The following FOXS1 variants were observed in gnomAD, a reference collection of about 807,000 sequenced individuals.
FOXS1 encodes the protein forkhead box protein S1.
Under a neutral mutation model 13.0 loss-of-function variants are expected in FOXS1, and 7 were observed. The observed-to-expected ratio is 0.54, with a 90% CI of 0.31 to 1.01. The LOEUF (loss-of-function observed/expected upper bound fraction) is 1.01. Among genes scored for constraint, FOXS1 ranks in the 50% least tolerant of loss-of-function variants. The pLI is 0.06. For synonymous variants in FOXS1, 161 were observed against 189.3 expected (o/e 0.85, Z 1.23); for missense variants, 414 against 464.1 (o/e 0.89, Z 0.99).
In FOXS1 at chr20:31,845,065, C is replaced by T; in HGVS notation, c.478G>A (p.Asp160Asn). 3 of 1,611,306 alleles carry T rather than the reference C, an allele frequency of 1.9e-6. No individual in the cohort carries two copies. Among genetic ancestry groups the T allele is most frequent in the Non-Finnish European group, 2.5e-6 (3 of 1,179,738 alleles). The part of the protein sequence containing the change: ...RQCSFPPELP[D>N]PKGLSFGGLV... ...CCCCCAAAGCTTAGGCCCTTGGGAT[C>T]TGGCAGCTCTGGTGGGAATGAGCAC... Residue 160 changes from aspartate (D) to asparagine (N), a missense_variant, in exon 1 of 1, where the codon GAT becomes AAT. Coordinates refer to ENST00000375978, the MANE Select transcript of FOXS1 (RefSeq NM_004118.4).
Position 31,844,910 on chromosome 20 carries a change from T to C in FOXS1, c.633A>G (p.Ser211=). The part of the protein sequence containing the change: ...ACPGELPVAT[S]SSSCPAFGFP... Reference sequence around the variant, plus strand: ...AGCCAAACGCTGGGCATGAGGAAGATGAGGTGGCCACGGGGAGCTCCCCTG... The same window carrying C: ...AGCCAAACGCTGGGCATGAGGAAGACGAGGTGGCCACGGGGAGCTCCCCTG... Residue 211 remains serine (S), a synonymous_variant, in exon 1 of 1, where the codon TCA becomes TCG. Transcript: ENST00000375978. 1.2e-6 allele frequency: 2 copies of C among 1,614,182 alleles called. No individual in the cohort carries two copies. The highest frequency in any genetic ancestry group is 1.7e-6 in the Non-Finnish European group (2 of 1,180,014).
chr20:31,845,204 G>A lies in FOXS1; in HGVS notation c.339C>T (p.Arg113=). 1 of 1,608,724 alleles carries A rather than the reference G, an allele frequency of 6.2e-7. No individual in the cohort carries two copies. Among genetic ancestry groups the A allele is most frequent in the Non-Finnish European group, 8.5e-7 (1 of 1,177,164 alleles). The change falls in exon 1 of 1, where the codon CGC becomes CGT. Residue 113 remains arginine, a synonymous_variant. Transcript: ENST00000375978. ...EHGSFLRRRR[R]FTRQTGAEGT... Reference sequence around the variant, plus strand: ...CCTCAGCACCTGTCTGCCGGGTGAAGCGGCGGCGGCGGCGTAGGAAGCTGC... The same window carrying A: ...CCTCAGCACCTGTCTGCCGGGTGAAACGGCGGCGGCGGCGTAGGAAGCTGC...
rs1317075548 is a variant in FOXS1 at position 31,845,114 on chromosome 20, G to A, written c.429C>T (p.Val143=). 1 of 1,608,366 alleles carries A rather than the reference G, an allele frequency of 6.2e-7. No homozygotes were observed. Among genetic ancestry groups the A allele is most frequent in the Non-Finnish European group, 8.5e-7 (1 of 1,178,126 alleles). The change falls in exon 1 of 1, where the codon GTC becomes GTT. Residue 143 remains valine (V), a synonymous_variant. Coordinates refer to ENST00000375978, the MANE Select transcript of FOXS1 (RefSeq NM_004118.4). ...PLRATSQDPG[V]PNATTGRQCS... ...ACTGCCTGCCGGTCGTGGCGTTGGG[G>A]ACTCCTGGGTCCTGGCTGGTCGCCC...
chr20:31,845,102 C>T lies in FOXS1; in HGVS notation c.441G>A (p.Thr147=), dbSNP rs776495704. The change falls in exon 1 of 1, where the codon ACG becomes ACA. Residue 147 remains threonine, a synonymous_variant. Coordinates refer to ENST00000375978, the MANE Select transcript of FOXS1 (RefSeq NM_004118.4). ...GTGGGAATGAGCACTGCCTGCCGGT[C>T]GTGGCGTTGGGGACTCCTGGGTCCT... is the stretch of plus-strand genomic sequence containing the variant. ...TSQDPGVPNA[T]TGRQCSFPPE... is the part of the protein sequence containing the mutation. 6.2e-6 allele frequency: 10 copies of T among 1,608,242 alleles called. No individual in the cohort carries two copies. The highest frequency in any genetic ancestry group is 3.3e-5 in the Admixed American group (2 of 59,796).
Position 31,845,444 on chromosome 20 carries a change from G to C in FOXS1, c.99C>G (p.Ser33Arg), listed in dbSNP as rs755181622. The C allele has an allele frequency of 1.2e-6, 2 of 1,614,110 alleles. No homozygotes were observed. The highest frequency in any genetic ancestry group is 1.1e-5 in the South Asian group (1 of 91,094). ...TGAGGGTGGCCCGCTGCCCCGGTGA[G>C]CTCTGGATGGCCATAGCAATAAGGG... Reference protein sequence around the residue: ...YIALIAMAIQSSPGQRATLSG... With the variant: ...YIALIAMAIQRSPGQRATLSG... The change falls in exon 1 of 1, where the codon AGC becomes AGG. Residue 33 changes from serine (S) to arginine (R), a missense_variant. Ser to Arg is a moderately radical substitution (Grantham distance 110). Transcript: ENST00000375978.
chr20:31,844,654 C>A lies in FOXS1; in HGVS notation c.889G>T (p.Glu297Ter). ...APLPLPTDHK[E>*]PWVAGGFPVQ... The stretch of plus-strand genomic sequence containing the variant: ...GGGAAGCCACCTGCAACCCAGGGTT[C>A]CTTGTGGTCAGTTGGCAGGGGCAGT... The change falls in exon 1 of 1, where the codon GAA (glutamate) becomes TAA (stop). Residue 297 changes from glutamate to a stop codon, truncating the protein, a stop_gained. Coordinates refer to ENST00000375978, the MANE Select transcript of FOXS1 (RefSeq NM_004118.4). LOFTEE classifies it high-confidence loss of function. 1 of 1,613,692 alleles carries A rather than the reference C, an allele frequency of 6.2e-7. No homozygotes were observed. Among genetic ancestry groups the A allele is most frequent in the African/African-American group, 1.3e-5 (1 of 75,052 alleles).
At position 31,844,862 on chromosome 20, in the gene FOXS1, A is replaced by G; in HGVS notation, c.681T>C (p.Ala227=). 3 of 1,614,228 alleles carry G rather than the reference A, an allele frequency of 1.9e-6. No individual in the cohort carries two copies. Among genetic ancestry groups the G allele is most frequent in the Middle Eastern group, 1.6e-4 (1 of 6,062 alleles). ...GCGTAGGGGCCTTATTAAAACTCTC[A>G]GCCTCTGAGAAGCCGGCAGGAAAGC... The part of the protein sequence containing the change: ...AFGFPAGFSE[A]ESFNKAPTPV... Residue 227 remains alanine, a synonymous_variant, in exon 1 of 1, where the codon GCT becomes GCC. Coordinates refer to ENST00000375978, the MANE Select transcript of FOXS1 (RefSeq NM_004118.4).
chr20:31,845,372 G>A lies in FOXS1; in HGVS notation c.171C>T (p.His57=). The A allele has an allele frequency of 6.2e-7, 1 of 1,614,242 alleles. No individual in the cohort carries two copies. Among genetic ancestry groups the A allele is most frequent in the Non-Finnish European group, 8.5e-7 (1 of 1,180,038 alleles). The change falls in exon 1 of 1, where the codon CAC becomes CAT. Residue 57 remains histidine (H), a synonymous_variant. Transcript: ENST00000375978. ...YIMGRFAFYR[H]NRPGWQNSIR... ...TGCTGTTCTGCCAGCCGGGCCGGTT[G>A]TGGCGGTAGAAGGCGAATCGGCCCA...
At position 31,844,831 on chromosome 20, in the gene FOXS1, A is replaced by T. The variant is rs756030354; in HGVS notation, c.712T>A (p.Leu238Met). The change falls in exon 1 of 1, where the codon TTG becomes ATG. Residue 238 changes from leucine (L) to methionine (M), a missense_variant. Physicochemically the swap from Leu to Met is conservative, Grantham distance 15. Transcript: ENST00000375978. ...CTCCCGATGCCTGATTCCGGGGACA[A>T]GACGGGCGTAGGGGCCTTATTAAAA... ...ESFNKAPTPV[L>M]SPESGIGSSY... 32 of 1,614,104 alleles carry T rather than the reference A, an allele frequency of 2.0e-5. No individual in the cohort carries two copies. The Middle Eastern group carries it at 6.6e-4, about 33-fold the overall frequency.
In FOXS1 at chr20:31,844,692, G is replaced by A. The variant is rs768317733; in HGVS notation, c.851C>T (p.Ser284Leu). ...PSPAPPTPPG[S>L]LRAPLPLPTD... ...TGGCAGGGGCAGTGGGGCCCGGAGT[G>A]AGCCTGGAGGGGTGGGTGGTGCAGG... The change falls in exon 1 of 1, where the codon TCA becomes TTA. Residue 284 changes from serine (S) to leucine (L), a missense_variant. Physicochemically the swap from Ser to Leu is moderately radical, Grantham distance 145. Transcript: ENST00000375978. The A allele has an allele frequency of 3.7e-6, 6 of 1,612,888 alleles. No homozygotes were observed. In the African/African-American group the frequency reaches 5.3e-5, roughly 14 times the overall value.
rs1285475689 is a variant in FOXS1, at chr20:31,845,213, G to A, written c.330C>T (p.Arg110=). ...DMFEHGSFLR[R]RRRFTRQTGA... is the part of the protein sequence containing the mutation. ...CTGTCTGCCGGGTGAAGCGGCGGCG[G>A]CGGCGTAGGAAGCTGCCGTGCTCAA... Residue 110 remains arginine, a synonymous_variant, in exon 1 of 1, where the codon CGC becomes CGT. Coordinates refer to ENST00000375978, the MANE Select transcript of FOXS1 (RefSeq NM_004118.4). 7 of 1,612,628 alleles carry A rather than the reference G, an allele frequency of 4.3e-6. No homozygotes were observed. Among genetic ancestry groups the A allele is most frequent in the Non-Finnish European group, 5.1e-6 (6 of 1,179,106 alleles).
chr20:31,844,500 C>T lies in FOXS1; in HGVS notation c.*50G>A. On this transcript the variant is annotated 3_prime_UTR_variant, in exon 1 of 1. Transcript: ENST00000375978. ...GTTCTTCAGGTCCTAGAGCCAGGCT[C>T]AGCCCGGAGGGTGAGGGACCTGCAG... The T allele has an allele frequency of 2.5e-6, 4 of 1,593,458 alleles. No homozygotes were observed. The highest frequency in any genetic ancestry group is 3.4e-6 in the Non-Finnish European group (4 of 1,168,612).
In FOXS1 at chr20:31,845,071, G is replaced by A. The variant is rs2062365421; in HGVS notation, c.472C>T (p.Leu158=). 1 of 1,610,906 alleles carries A rather than the reference G, an allele frequency of 6.2e-7. No individual in the cohort carries two copies. The highest frequency in any genetic ancestry group is 8.5e-7 in the Non-Finnish European group (1 of 1,179,646). Reference sequence around the variant, plus strand: ...AAGCTTAGGCCCTTGGGATCTGGCAGCTCTGGTGGGAATGAGCACTGCCTG... The same window carrying A: ...AAGCTTAGGCCCTTGGGATCTGGCAACTCTGGTGGGAATGAGCACTGCCTG... The part of the protein sequence containing the change: ...TGRQCSFPPE[L]PDPKGLSFGG... Residue 158 remains leucine, a synonymous_variant, in exon 1 of 1, where the codon CTG becomes TTG. Transcript: ENST00000375978.
Position 31,844,926 on chromosome 20 carries a change from A to G in FOXS1, c.617T>C (p.Leu206Pro). 6.2e-7 allele frequency: 1 copy of G among 1,614,158 alleles called. No individual in the cohort carries two copies. ...STPKPACPGE[L>P]PVATSSSSCP... Reference sequence around the variant, plus strand: ...TGAGGAAGATGAGGTGGCCACGGGGAGCTCCCCTGGGCATGCAGGCTTGGG... The same window carrying G: ...TGAGGAAGATGAGGTGGCCACGGGGGGCTCCCCTGGGCATGCAGGCTTGGG... Residue 206 changes from leucine to proline, a missense_variant, in exon 1 of 1, where the codon CTC (leucine) becomes CCC (proline). By Grantham distance (98) the Leu-to-Pro change is moderately conservative. Transcript: ENST00000375978.
rs1370096241 is a variant in FOXS1, at chr20:31,844,799, G to A, written c.744C>T (p.Tyr248=). 5 of 1,614,114 alleles carry A rather than the reference G, an allele frequency of 3.1e-6. No homozygotes were observed. Among genetic ancestry groups the A allele is most frequent in the Non-Finnish European group, 4.2e-6 (5 of 1,180,044 alleles). Residue 248 remains tyrosine, a synonymous_variant, in exon 1 of 1, where the codon TAC becomes TAT. Coordinates refer to ENST00000375978, the MANE Select transcript of FOXS1 (RefSeq NM_004118.4). ...LSPESGIGSS[Y]QCRLQALNFC... ...AATTCAGTGCCTGCAGCCGACACTG[G>A]TAGCTGCTCCCGATGCCTGATTCCG...
rs764717699 is a variant in FOXS1 at position 31,845,236 on chromosome 20, C to T, written c.307G>A (p.Glu103Lys). The T allele has an allele frequency of 3.7e-6, 6 of 1,613,848 alleles. No individual in the cohort carries two copies. The highest frequency in any genetic ancestry group is 2.5e-6 in the Non-Finnish European group (3 of 1,179,882). Reference protein sequence around the residue: ...TLDPDCHDMFEHGSFLRRRRR... With the variant: ...TLDPDCHDMFKHGSFLRRRRR... ...CGGCGGCGTAGGAAGCTGCCGTGCTCAAACATGTCGTGGCAGTCAGGGTCC... is the reference window on the plus strand; with the variant it reads ...CGGCGGCGTAGGAAGCTGCCGTGCTTAAACATGTCGTGGCAGTCAGGGTCC... The change falls in exon 1 of 1, where the codon GAG becomes AAG. Residue 103 changes from glutamate to lysine, a missense_variant. Coordinates refer to ENST00000375978, the MANE Select transcript of FOXS1 (RefSeq NM_004118.4).
chr20:31,844,352 A>G lies in FOXS1; in HGVS notation c.*198T>C, dbSNP rs182518417. The G allele has an allele frequency of 9.7e-4, 608 of 626,728 alleles. 6 individuals carry two copies. In the African/African-American group the frequency reaches 0.01, roughly 11 times the overall value. 38.8% of individuals were successfully genotyped at this position (626,728 alleles called of 1,614,324 possible). A position where few individuals can be genotyped will look rare whatever the true frequency, so the allele number is the denominator to read the frequency against. On this transcript the variant is annotated 3_prime_UTR_variant, in exon 1 of 1. Coordinates refer to ENST00000375978, the MANE Select transcript of FOXS1 (RefSeq NM_004118.4). ...CCTGAGAGCCACAGAGTAAATCCCA[A>G]GAGGCCCTGCTTCCCCTCACCCCCA... is the stretch of plus-strand genomic sequence containing the variant.
In FOXS1 at chr20:31,845,336, G is replaced by A. The variant is rs6089096; in HGVS notation, c.207C>T (p.Asn69=). The change falls in exon 1 of 1, where the codon AAC becomes AAT. Residue 69 remains asparagine, a synonymous_variant. Transcript: ENST00000375978. The stretch of plus-strand genomic sequence containing the variant: ...TGACAAAGCACTCGTTGAGTGACAG[G>A]TTGTGGCGGATGCTGTTCTGCCAGC... ...RPGWQNSIRH[N]LSLNECFVKV... 0.1 allele frequency: 165,161 copies of A among 1,614,198 alleles called. 9,387 individuals carry two copies. Among genetic ancestry groups the A allele is most frequent in the Middle Eastern group, 0.13 (777 of 6,062 alleles).
Position 31,845,521 on chromosome 20 carries a change from C to G in FOXS1, c.22G>C (p.Gly8Arg). 1.2e-6 allele frequency: 2 copies of G among 1,613,250 alleles called. No individual in the cohort carries two copies. Among genetic ancestry groups the G allele is most frequent in the Admixed American group, 1.7e-5 (1 of 60,020 alleles). The change falls in exon 1 of 1, where the codon GGG becomes CGG. Residue 8 changes from glycine (G) to arginine (R), a missense_variant. Gly to Arg is a moderately radical substitution (Grantham distance 125). Transcript: ENST00000375978. ...GGCTCAGTTGTGGGGGCGCCAGGCC[C>G]GGGCAGAGGCTGCTGCTGCATGCTG... Reference protein sequence around the residue: MQQQPLPGPGAPTTEPTK... With the variant: MQQQPLPRPGAPTTEPTK...
Sources: gnomAD v4.1 joint callset for allele counts on GRCh38, gnomAD v4.1.1 for gene constraint, MANE v1.5 for transcripts, NCBI Gene and HGNC (gene_info 2026-07-23, HGNC 2026-07-21) for gene names.